The following PLEKHH2 variants were observed in gnomAD, a reference collection of about 807,000 sequenced individuals.
PLEKHH2 encodes the protein pleckstrin homology, MyTH4 and FERM domain containing H2.
In PLEKHH2, 129 loss-of-function variants were observed where a neutral mutation model predicts 187.9. That is an observed-to-expected ratio of 0.69 (90% CI 0.59 to 0.79). The LOEUF is 0.79. PLEKHH2 is among the 30% of genes least tolerant of loss of function. PLEKHH2 has a pLI of 0.00. For synonymous variants in PLEKHH2, 686 were observed against 605.6 expected (o/e 1.13, Z -1.95); for missense variants, 2,076 against 1,751.2 (o/e 1.19, Z -3.31).
At chr2:43,648,345 C>T (rs563962113) in intron 2 of PLEKHH2, among the ~76,000 whole-genome samples, 15 of 152,096 alleles carry the variant, frequency 9.9e-5, no homozygotes, top group African/African-American at 2.9e-4. Flanking sequence ...CATACCACCA[C>T]GCCTGGCTAA....
chr2:43,743,819 G>A lies in PLEKHH2; in HGVS notation c.3400-15G>A, dbSNP rs1198965973. On this transcript the variant is annotated splice_polypyrimidine_tract_variant and intron_variant, in intron 22 of 29. Coordinates refer to ENST00000282406, the MANE Select transcript of PLEKHH2 (RefSeq NM_172069.4). Reference sequence around the variant, plus strand: ...TATTTCTTATTAAGAGAACTGCTTTGTTATTTCTGTCTAGGTAGTTGGTTT... The same window carrying A: ...TATTTCTTATTAAGAGAACTGCTTTATTATTTCTGTCTAGGTAGTTGGTTT... The A allele has an allele frequency of 1.2e-5, 20 of 1,604,896 alleles. No individual in the cohort carries two copies. Among genetic ancestry groups the A allele is most frequent in the Non-Finnish European group, 1.7e-5 (20 of 1,172,948 alleles).
At chr2:43,720,816 T>G (rs1333133549) in intron 16 of PLEKHH2, 67 bp downstream of exon 16, 13 of 1,527,278 alleles carry the variant, frequency 8.5e-6, no homozygotes, top group Non-Finnish European at 1.0e-5. Context: ...AACTTTTCCT[T>G]TTCTCTCTTC....
intron 29 of PLEKHH2, among the ~76,000 whole-genome samples, chr2:43,765,211 T>C (rs959184090): frequency 6.6e-6 from 1 of 152,236 alleles, no homozygotes; most frequent in African/African-American, 2.4e-5. Context: ...TCACTCTTTC[T>C]GCTGGTTTAA....
chr2:43,698,187 TC>T (rs1237153121), intron 7 of PLEKHH2, among the ~76,000 whole-genome samples: 1 of 151,942 alleles, frequency 6.6e-6, no homozygotes, highest in Non-Finnish European at 1.5e-5. Flanking sequence ...CATTTTCCAA[TC>T]CGAAGGCTCC....
intron 2 of PLEKHH2, among the ~76,000 whole-genome samples, chr2:43,671,399 G>A (rs1667492489): frequency 6.6e-6 from 1 of 152,126 alleles, no homozygotes; most frequent in Non-Finnish European, 1.5e-5. Context: ...GACTTTATGT[G>A]TAGATACTCA....
chr2:43,677,107 C>G (rs901873575), intron 2 of PLEKHH2, among the ~76,000 whole-genome samples: 1 of 152,080 alleles, frequency 6.6e-6, no homozygotes. Flanking sequence ...TTTTGATCAA[C>G]TTTTAAATAT....
intron 17 of PLEKHH2, 78 bp downstream of exon 17, chr2:43,726,529 A>G: frequency 2.2e-6 from 3 of 1,337,120 alleles, no homozygotes; most frequent in Non-Finnish European, 3.1e-6. Flanking sequence ...TATCAAATCA[A>G]TTTAATGGAA....
At chr2:43,677,125 G>A (rs1667850708) in intron 2 of PLEKHH2, among the ~76,000 whole-genome samples, 1 of 151,958 alleles carries the variant, frequency 6.6e-6, no homozygotes, top group South Asian at 2.1e-4. Context: ...TATGCAAAGA[G>A]CCTTTAATGT....
chr2:43,760,715 T>C (rs1672395885), intron 27 of PLEKHH2, among the ~76,000 whole-genome samples: 1 of 152,194 alleles, frequency 6.6e-6, no homozygotes, highest in South Asian at 2.1e-4. Context: ...ACATTCTCAT[T>C]GTTGTGTTGC....
chr2:43,743,788 A>G (rs1349941054), intron 22 of PLEKHH2, 46 bp from the exon 23 acceptor site: 2 of 1,510,160 alleles, frequency 1.3e-6, no homozygotes, highest in Non-Finnish European at 1.8e-6. Flanking sequence ...TCAGTTTGAA[A>G]CTATATATTT....
chr2:43,711,226 C>G (rs1396330203), intron 14 of PLEKHH2: 3 of 985,300 alleles, frequency 3.0e-6, no homozygotes, highest in Non-Finnish European at 3.6e-6. Context: ...TTATATTGCT[C>G]CTTTGGAGGG....
chr2:43,675,575 G>T lies in PLEKHH2; in HGVS notation c.124-3288G>T, dbSNP rs377160403. 16 of 1,613,574 alleles carry T rather than the reference G, an allele frequency of 9.9e-6. No individual in the cohort carries two copies. In the African/African-American group the frequency reaches 1.7e-4, roughly 17 times the overall value. Reference sequence around the variant, plus strand: ...TTAGACAATGCCTCTTCAATAAGCTGTGCGATTGGTTTTGTATTAAATACA... The same window carrying T: ...TTAGACAATGCCTCTTCAATAAGCTTTGCGATTGGTTTTGTATTAAATACA... On this transcript the variant is annotated intron_variant, in intron 2 of 29. Coordinates refer to ENST00000282406, the MANE Select transcript of PLEKHH2 (RefSeq NM_172069.4).
rs565037251 is a variant in PLEKHH2 at position 43,655,484 on chromosome 2, A to G, written c.123+10688A>G. Among the ~76,000 whole-genome samples, 87 of 151,320 alleles carry G rather than the reference A, an allele frequency of 5.7e-4. 1 individual carries two copies. Among genetic ancestry groups the G allele is most frequent in the African/African-American group, 2.1e-3 (84 of 40,654 alleles). ...TCTGGAACAGAAACCAGCACCTTCA[A>G]TTTGAACTTTCATGAAGCTCTTAAA... On this transcript the variant is annotated intron_variant, in intron 2 of 29. Coordinates refer to ENST00000282406, the MANE Select transcript of PLEKHH2 (RefSeq NM_172069.4).
chr2:43,681,600 G>A, intron 3 of PLEKHH2: 1 of 774,726 alleles, frequency 1.3e-6, no homozygotes, highest in Non-Finnish European at 2.2e-6. Context: ...GCCTCTTTTT[G>A]GAGCTGTACA....
intron 24 of PLEKHH2, 99 bp from the exon 25 acceptor site, chr2:43,753,520 T>C: frequency 2.2e-6 from 2 of 916,738 alleles, no homozygotes; most frequent in South Asian, 3.0e-5. Flanking sequence ...CTTAGAGTAC[T>C]GTGTTAAAAC....
intron 11 of PLEKHH2, among the ~76,000 whole-genome samples, chr2:43,709,279 G>C (rs1316192565): frequency 6.6e-6 from 1 of 152,096 alleles, no homozygotes; most frequent in Non-Finnish European, 1.5e-5. Context: ...AAATACTACT[G>C]AATTGTGTTT....
chr2:43,723,763 C>A (rs1358720363), intron 16 of PLEKHH2, among the ~76,000 whole-genome samples: 1 of 152,166 alleles, frequency 6.6e-6, no homozygotes, highest in African/African-American at 2.4e-5. Flanking sequence ...AGCTTTTGCT[C>A]TGAGTGAGAT....
At position 43,764,370 on chromosome 2, in the gene PLEKHH2, G is replaced by A. The variant is rs1259584884; in HGVS notation, c.4296+5G>A. On this transcript the variant is annotated splice_donor_5th_base_variant and intron_variant, in intron 29 of 29. Transcript: ENST00000282406. ...TTTGCCATGGCAAAACCCAAGGTGA[G>A]TAGAAGCCTTTCTGCCAACTTTTTT... 1.2e-6 allele frequency: 2 copies of A among 1,612,080 alleles called. No individual in the cohort carries two copies. Among genetic ancestry groups the A allele is most frequent in the African/African-American group, 2.7e-5 (2 of 74,798 alleles).
At chr2:43,732,371 A>C (rs1469594842) in intron 19 of PLEKHH2, among the ~76,000 whole-genome samples, 2 of 152,284 alleles carry the variant, frequency 1.3e-5, no homozygotes, top group South Asian at 2.1e-4. Context: ...CTCAAAAAAA[A>C]AAAATTATCA....
Sources: gnomAD v4.1 joint callset for allele counts (sites outside exome capture counted in the v4.1 genomes callset) on GRCh38, gnomAD v4.1.1 for gene constraint, MANE v1.5 for transcripts, NCBI Gene and HGNC (gene_info 2026-07-23, HGNC 2026-07-21) for gene names.